PRR16: variants seen among roughly 807,000 people sequenced by gnomAD.
PRR16 encodes the protein protein Largen.
PRR16 carries 6 observed loss-of-function variants against 18.2 expected under a neutral mutation model. The ratio of observed to expected loss-of-function variants is 0.33; its 90% confidence interval spans 0.18 to 0.65. The LOEUF (loss-of-function observed/expected upper bound fraction) is 0.65, where lower values mean the gene tolerates loss of function less well. Ranked by LOEUF, PRR16 falls within the 30% of genes least tolerant of loss-of-function variation. The pLI is 0.74. For missense variants in PRR16, 412 were observed against 376.6 expected, an observed-to-expected ratio of 1.09 and a Z score of -0.78; for synonymous variants, 151 against 147.8, an observed-to-expected ratio of 1.02 and a Z score of -0.16.
intron 1 of PRR16, among the ~76,000 whole-genome samples, chr5:120,497,769 A>G (rs1406121724): frequency 6.6e-6 from 1 of 151,826 alleles, no homozygotes; most frequent in Non-Finnish European, 1.5e-5. Flanking sequence ...AACATTGTAT[A>G]AAAATAACAT....
the PRR16 span, among the ~76,000 whole-genome samples, chr5:120,743,336 T>C: frequency 3.3e-5 from 5 of 152,154 alleles, no homozygotes; most frequent in Admixed American, 6.5e-5. Context: ...TTTGTTTGAT[T>C]GTTTTTTTCA....
At chr5:120,753,371 G>A in the PRR16 span, among the ~76,000 whole-genome samples, 1 of 151,960 alleles carries the variant, frequency 6.6e-6, no homozygotes, top group Non-Finnish European at 1.5e-5. Context: ...TACCATTCAA[G>A]TAAGAGGAAG....
At chr5:120,746,505 A>G in the PRR16 span, among the ~76,000 whole-genome samples, 4 of 152,130 alleles carry the variant, frequency 2.6e-5, no homozygotes, top group Non-Finnish European at 5.9e-5. Flanking sequence ...CATCCTTCCC[A>G]ATTTTGTCAA....
At chr5:120,733,168 C>T in the PRR16 span, among the ~76,000 whole-genome samples, 1 of 151,986 alleles carries the variant, frequency 6.6e-6, no homozygotes, top group Non-Finnish European at 1.5e-5. Flanking sequence ...TTTTTTGAGA[C>T]AGAGTCTTGT....
At chr5:120,556,441 A>G (rs780278580) in intron 1 of PRR16, among the ~76,000 whole-genome samples, 10 of 151,706 alleles carry the variant, frequency 6.6e-5, no homozygotes, top group Non-Finnish European at 1.2e-4. Flanking sequence ...GCTCAAGGCC[A>G]TTATTTCTCT....
At chr5:120,650,382 G>T (rs536361192) in intron 1 of PRR16, among the ~76,000 whole-genome samples, 5 of 150,544 alleles carry the variant, frequency 3.3e-5, no homozygotes, top group East Asian at 2.0e-4. Flanking sequence ...CAACATGCAG[G>T]TTTGTTACAT....
At chr5:120,763,009 T>C in the PRR16 span, among the ~76,000 whole-genome samples, 1 of 152,182 alleles carries the variant, frequency 6.6e-6, no homozygotes, top group Non-Finnish European at 1.5e-5. Flanking sequence ...CCCAGCCTCA[T>C]GTACTAAAGA....
At chr5:120,754,352 T>A in the PRR16 span, among the ~76,000 whole-genome samples, 1 of 65,412 alleles carries the variant, frequency 1.5e-5, no homozygotes, top group African/African-American at 7.4e-5. Context: ...ATATGTTATA[T>A]GATGTATATA....
At chr5:120,751,844 T>G in the PRR16 span, among the ~76,000 whole-genome samples, 1 of 152,044 alleles carries the variant, frequency 6.6e-6, no homozygotes, top group Non-Finnish European at 1.5e-5. Flanking sequence ...GGCTCACAGG[T>G]AGGCCTTTAT....
intron 1 of PRR16, chr5:120,465,808 T>A (rs553675437): frequency 6.5e-6 from 1 of 152,814 alleles, no homozygotes; most frequent in East Asian, 1.9e-4. Flanking sequence ...GTAGTCTAGG[T>A]CCAAAATTGT....
At chr5:120,717,770 T>C in the PRR16 span, among the ~76,000 whole-genome samples, 6 of 152,132 alleles carry the variant, frequency 3.9e-5, no homozygotes, top group Admixed American at 3.9e-4. Flanking sequence ...TGTTTGAAAA[T>C]AAAACACACA....
chr5:120,742,375 C>G, the PRR16 span, among the ~76,000 whole-genome samples: 3 of 149,640 alleles, frequency 2.0e-5, no homozygotes, highest in Admixed American at 6.7e-5. Flanking sequence ...TTATAATGCT[C>G]TTTTTCTCAG....
intron 1 of PRR16, among the ~76,000 whole-genome samples, chr5:120,602,656 A>G (rs1276763871): frequency 1.3e-5 from 2 of 152,002 alleles, no homozygotes; most frequent in African/African-American, 2.4e-5. Flanking sequence ...TTCAAGAAAA[A>G]TGCTTCAGCT....
chr5:120,686,099 C>A lies in PRR16; in HGVS notation c.305C>A (p.Pro102Gln), dbSNP rs747136109. Residue 102 changes from proline to glutamine, a missense_variant, in exon 2 of 2, where the codon CCG becomes CAG. Physicochemically the swap from Pro to Gln is moderately conservative, Grantham distance 76. Coordinates refer to ENST00000407149, the MANE Select transcript of PRR16 (RefSeq NM_001300783.2). ...AAGATCAAAGTGCAGGCTAATGCAC[C>A]GCTTATTAAACCCCCAGCACACCCG... The part of the protein sequence containing the change: ...LEKIKVQANA[P>Q]LIKPPAHPSA... 6.2e-7 allele frequency: 1 copy of A among 1,614,082 alleles called. No homozygotes were observed. The highest frequency in any genetic ancestry group is 1.1e-5 in the South Asian group (1 of 91,072).
intron 1 of PRR16, among the ~76,000 whole-genome samples, chr5:120,632,635 A>T (rs550578543): frequency 1.3e-5 from 2 of 152,298 alleles, no homozygotes; most frequent in Admixed American, 1.3e-4. Flanking sequence ...GAACTTCAGA[A>T]CTTGAAGACA....
intron 1 of PRR16, among the ~76,000 whole-genome samples, chr5:120,492,384 A>C (rs986204246): frequency 6.6e-6 from 1 of 151,816 alleles, no homozygotes. Flanking sequence ...GCCTTCCAAA[A>C]TGCTGGTATT....
the PRR16 span, among the ~76,000 whole-genome samples, chr5:120,757,476 C>T: frequency 6.6e-6 from 1 of 151,894 alleles, no homozygotes; most frequent in East Asian, 1.9e-4. Context: ...TTTGTCTCAT[C>T]TGTGAGTTCT....
At chr5:120,597,907 T>C (rs1223077938) in intron 1 of PRR16, among the ~76,000 whole-genome samples, 2 of 151,818 alleles carry the variant, frequency 1.3e-5, no homozygotes, top group Admixed American at 6.6e-5. Context: ...TGAAATCTCT[T>C]TGGATGTGTA....
At chr5:120,502,358 T>G (rs10478471) in intron 1 of PRR16, among the ~76,000 whole-genome samples, 40,252 of 149,084 alleles carry the variant, frequency 0.27, 6,618 homozygotes, top group African/African-American at 0.46. Context: ...TTTCCATATA[T>G]ATTTTATATA....
Sources: allele counts gnomAD v4.1 joint callset (sites outside exome capture counted in the v4.1 genomes callset), GRCh38; gene constraint gnomAD v4.1.1; transcripts MANE v1.5; gene names NCBI Gene and HGNC (gene_info 2026-07-23, HGNC 2026-07-21).